Variants in DDX50 observed in about 807,000 individuals in gnomAD.
DDX50 encodes DExD-box helicase 50.
In DDX50, 56 loss-of-function variants were observed where a neutral mutation model predicts 94.8. The observed-to-expected ratio is 0.59, with a 90% CI of 0.48 to 0.74. The LOEUF is 0.74. DDX50 is among the 30% of genes least tolerant of loss of function. The pLI, the probability that DDX50 is intolerant of heterozygous loss-of-function variation, is 0.00. For missense variants in DDX50, 713 were observed against 881.2 expected (o/e 0.81, Z 2.42); for synonymous variants, 264 against 295.4 (o/e 0.89, Z 1.09).
chr10:68,914,337 A>G (rs935568913), intron 7 of DDX50, 133 bp downstream of exon 7: 2 of 942,318 alleles, frequency 2.1e-6, no homozygotes, highest in Non-Finnish European at 1.6e-6. Context: ...TAAGACACCT[A>G]TATATTTTTA....
At position 68,946,418 on chromosome 10, in the gene DDX50, T is replaced by G. The variant is rs1360506816; in HGVS notation, c.2002T>G (p.Tyr668Asp). ...PAKLPEIEEYYDGNTSSNSRQ... is the reference protein window; with the variant it reads ...PAKLPEIEEYDDGNTSSNSRQ... ...CAAATTACCTGAAATTGAAGAATATTATGATGGAAACACATCTTCTAATTC... is the reference window on the plus strand; with the variant it reads ...CAAATTACCTGAAATTGAAGAATATGATGATGGAAACACATCTTCTAATTC... The change falls in exon 15 of 15, where the codon TAT becomes GAT. Residue 668 changes from tyrosine to aspartate, a missense_variant. This residue lies in a region of DDX50 where 428 missense variants were observed against 602.3 expected (regional missense o/e 0.71). Coordinates refer to ENST00000373585, the MANE Select transcript of DDX50 (RefSeq NM_024045.2). 6.2e-6 allele frequency: 10 copies of G among 1,614,134 alleles called. No individual in the cohort carries two copies. The highest frequency in any genetic ancestry group is 8.5e-6 in the Non-Finnish European group (10 of 1,180,060).
At chr10:68,924,667 T>TA (rs35148481) in intron 8 of DDX50, among the ~76,000 whole-genome samples, 46 of 150,750 alleles carry the variant, frequency 3.1e-4, no homozygotes, top group South Asian at 1.7e-3. Context: ...GTAAAGCTGT[T>TA]AAAAAAAAAA....
chr10:68,940,094 G>A (rs1490940920), intron 12 of DDX50, among the ~76,000 whole-genome samples: 1 of 152,098 alleles, frequency 6.6e-6, no homozygotes, highest in African/African-American at 2.4e-5. Flanking sequence ...TCCTTCAAAA[G>A]TTTAAAGAAA....
rs762917933 is a variant in DDX50 at position 68,919,846 on chromosome 10, G to T, written c.1104G>T (p.Gln368His). 1 of 1,613,528 alleles carries T rather than the reference G, an allele frequency of 6.2e-7. No individual in the cohort carries two copies. The highest frequency in any genetic ancestry group is 8.5e-7 in the Non-Finnish European group (1 of 1,179,850). The change falls in exon 8 of 15, where the codon CAG (glutamine) becomes CAT (histidine). Residue 368 changes from glutamine to histidine, a missense_variant. Gln to His is a conservative substitution (Grantham distance 24). This residue lies in a region of DDX50 where 428 missense variants were observed against 602.3 expected (regional missense o/e 0.71). Transcript: ENST00000373585. Reference protein sequence around the residue: ...AATTVEHLAIQCHWSQRPAVI... With the variant: ...AATTVEHLAIHCHWSQRPAVI... ...TTTCTTCAAAGCATTTGGCCATCCA[G>T]TGTCATTGGTCTCAGAGGCCAGCAG...
chr10:68,934,099 A>G lies in DDX50; in HGVS notation c.1240-100A>G, dbSNP rs1174409890. On this transcript the variant is annotated intron_variant, in intron 8 of 14. Transcript: ENST00000373585. This position sits in a 1 kb window ranked among gnomAD's most constrained non-coding sequence, Gnocchi z 4.0. ...ATGCATTGTTAAAATCATCAAAGTA[A>G]GATTTAAAAACATGCAAAAGGAGCA... The G allele has an allele frequency of 2.5e-6, 3 of 1,200,274 alleles. No homozygotes were observed. The highest frequency in any genetic ancestry group is 2.3e-6 in the Non-Finnish European group (2 of 888,724). The allele number at this position is 1,200,274 out of a possible 1,614,324, so 74.4% of individuals were successfully genotyped here. A position where few individuals can be genotyped will look rare whatever the true frequency, so the allele number is the denominator to read the frequency against.
chr10:68,913,478 C>A lies in DDX50; in HGVS notation c.845C>A (p.Ser282Tyr), dbSNP rs1841694385. ...CTGCAGAGTGGCCGATTGGATCTTTCTAAACTGCGACATGTTGTGCTTGAT... is the reference window on the plus strand; with the variant it reads ...CTGCAGAGTGGCCGATTGGATCTTTATAAACTGCGACATGTTGTGCTTGAT... Reference protein sequence around the residue: ...DHLQSGRLDLSKLRHVVLDEV... With the variant: ...DHLQSGRLDLYKLRHVVLDEV... Residue 282 changes from serine to tyrosine, a missense_variant, in exon 6 of 15, where the codon TCT becomes TAT. Ser to Tyr is a moderately radical substitution (Grantham distance 144). This residue lies in a region of DDX50 where 428 missense variants were observed against 602.3 expected (regional missense o/e 0.71). Transcript: ENST00000373585. The A allele has an allele frequency of 1.9e-6, 3 of 1,614,006 alleles. No homozygotes were observed. In the South Asian group the frequency reaches 3.3e-5, roughly 18 times the overall value.
intron 8 of DDX50, among the ~76,000 whole-genome samples, chr10:68,920,257 G>A (rs1016713205): frequency 2.0e-5 from 3 of 152,094 alleles, no homozygotes; most frequent in Non-Finnish European, 4.4e-5. Flanking sequence ...GACTTCCTGG[G>A]CTCAGGTGAT....
At chr10:68,931,052 T>C (rs1184220928) in intron 8 of DDX50, among the ~76,000 whole-genome samples, 3 of 152,172 alleles carry the variant, frequency 2.0e-5, no homozygotes, top group Non-Finnish European at 4.4e-5. Flanking sequence ...TGCCCCAAGC[T>C]AGGTCAGATT....
Position 68,934,907 on chromosome 10 carries a change from G to T in DDX50, c.1510G>T (p.Glu504Ter). Residue 504 changes from glutamate to a stop codon, truncating the protein, a stop_gained, in exon 10 of 15, where the codon GAA becomes TAA. Transcript: ENST00000373585. LOFTEE classifies it high-confidence loss of function. This position sits in a 1 kb window ranked among gnomAD's most constrained non-coding sequence, Gnocchi z 4.0. The stretch of plus-strand genomic sequence containing the variant: ...AGAAAGAGGTCAACTAAGATATGTG[G>T]AACAAAAAGCAGTAAGTAGAGTTAA... ...PRERGQLRYV[E>*]QKAGITFKRV... The T allele has an allele frequency of 6.2e-7, 1 of 1,610,966 alleles. No individual in the cohort carries two copies. The highest frequency in any genetic ancestry group is 1.1e-5 in the South Asian group (1 of 90,478).
intron 1 of DDX50, chr10:68,906,480 T>G: frequency 2.2e-6 from 1 of 449,218 alleles, no homozygotes; most frequent in Non-Finnish European, 3.9e-6. Context: ...ATGATGGGAT[T>G]AGAGAGGGGC....
intron 4 of DDX50, among the ~76,000 whole-genome samples, chr10:68,912,181 A>G (rs1163360735): frequency 6.6e-6 from 1 of 152,044 alleles, no homozygotes; most frequent in African/African-American, 2.4e-5. Flanking sequence ...ATAGGATATA[A>G]TCTCAACACT....
In DDX50 at chr10:68,906,812, A is replaced by G. The variant is rs981554594; in HGVS notation, c.189A>G (p.Lys63=). Residue 63 remains lysine (K), a synonymous_variant, in exon 2 of 15, where the codon AAA becomes AAG. Transcript: ENST00000373585. ...TDDLDAPKAK[K]SKMKEKLNGD... is the part of the protein sequence containing the mutation. ...ACCTGGATGCTCCCAAGGCCAAAAA[A>G]TCTAAAATGAAAGAGAAGCTAAATG... The G allele has an allele frequency of 7.4e-6, 12 of 1,613,822 alleles. No homozygotes were observed. The highest frequency in any genetic ancestry group is 3.3e-5 in the Admixed American group (2 of 59,910).
At chr10:68,919,237 CTT>C (rs1417486289) in intron 7 of DDX50, among the ~76,000 whole-genome samples, 2 of 152,112 alleles carry the variant, frequency 1.3e-5, no homozygotes, top group African/African-American at 2.4e-5. Context: ...CTTTTTATGT[CTT>C]GTTTCATTCA....
intron 3 of DDX50, 25 bp from the exon 4 acceptor site, chr10:68,911,043 A>G: frequency 7.0e-7 from 1 of 1,429,990 alleles, no homozygotes; most frequent in Non-Finnish European, 9.3e-7. Flanking sequence ...GTAAAGAAGT[A>G]TTTTAATTAA....
chr10:68,941,849 A>C lies in DDX50; in HGVS notation c.1890+655A>C, dbSNP rs184195157. 3.1e-3 allele frequency among the ~76,000 whole-genome samples: 472 copies of C among 152,298 alleles called. 3 individuals are homozygous for C. Among genetic ancestry groups the C allele is most frequent in the African/African-American group, 0.011 (441 of 41,554 alleles). ...GAGATGGGGTTTCAGCATGTTGGCC[A>C]GGCTGGTCTCGCACTCCTGACCTCA... is the stretch of plus-strand genomic sequence containing the variant. On this transcript the variant is annotated intron_variant, in intron 13 of 14. Transcript: ENST00000373585.
At chr10:68,910,235 TA>T in intron 2 of DDX50, 71 bp from the exon 3 acceptor site, 2 of 1,318,314 alleles carry the variant, frequency 1.5e-6, no homozygotes, top group Non-Finnish European at 2.1e-6. Flanking sequence ...AGTTAATCTG[TA>T]AAAAATTAAA....
chr10:68,913,252 T>C lies in DDX50; in HGVS notation c.730T>C (p.Tyr244His). The change falls in exon 5 of 15, where the codon TAT (tyrosine) becomes CAT (histidine). Residue 244 changes from tyrosine to histidine, a missense_variant. This residue lies in a region of DDX50 where 285 missense variants were observed against 278.9 expected (regional missense o/e 1.02). Transcript: ENST00000373585. ...TAGGAAACTCAGCGTGGCGTGTTTT[T>C]ATGGTGGAACATCATATCAAAGCCA... ...ITRKLSVACFYGGTSYQSQIN... is the reference protein window; with the variant it reads ...ITRKLSVACFHGGTSYQSQIN... 1 of 1,613,268 alleles carries C rather than the reference T, an allele frequency of 6.2e-7. No individual in the cohort carries two copies. Among genetic ancestry groups the C allele is most frequent in the South Asian group, 1.1e-5 (1 of 90,680 alleles).
intron 8 of DDX50, among the ~76,000 whole-genome samples, chr10:68,925,584 G>A (rs1462127854): frequency 6.6e-6 from 1 of 151,930 alleles, no homozygotes; most frequent in Non-Finnish European, 1.5e-5. Context: ...TAGCTTTGAT[G>A]TTTAAATGTC....
rs554108391 is a variant in DDX50, at chr10:68,901,450, C to T, written c.66C>T (p.Ser22=). The change falls in exon 1 of 15, where the codon AGC becomes AGT. Residue 22 remains serine (S), a synonymous_variant. Transcript: ENST00000373585. ...AAGCACCCTTGGAGGAGTCCGAGAG[C>T]CAGAAGAAGGAGAGGCAAAAGGTGC... The part of the protein sequence containing the change: ...ELEAPLEESE[S]QKKERQKSDR... 32 of 1,574,128 alleles carry T rather than the reference C, an allele frequency of 2.0e-5. No homozygotes were observed. The South Asian group carries it at 3.4e-4, about 17-fold the overall frequency.
Sources: gnomAD v4.1 joint callset for allele counts (sites outside exome capture counted in the v4.1 genomes callset) on GRCh38, gnomAD v4.1.1 for gene constraint, gnomAD v4.1.1 regional missense constraint, Gnocchi (gnomAD v3.1) non-coding constraint, MANE v1.5 for transcripts, NCBI Gene and HGNC (gene_info 2026-07-23, HGNC 2026-07-21) for gene names.